TNRC6C: variants seen among roughly 807,000 people sequenced by gnomAD.
TNRC6C encodes the protein trinucleotide repeat-containing gene 6C protein.
In TNRC6C, 20 loss-of-function variants were observed where a neutral mutation model predicts 153.7. The observed-to-expected ratio is 0.13, with a 90% CI of 0.09 to 0.19. The LOEUF is 0.19. Ranked by LOEUF, TNRC6C falls within the 10% of genes least tolerant of loss-of-function variation. The pLI, the probability that TNRC6C is intolerant of heterozygous loss-of-function variation, is 1.00. For missense variants in TNRC6C, 1,987 were observed against 2,172.0 expected, an observed-to-expected ratio of 0.91 and a Z score of 1.69; for synonymous variants, 811 against 841.4, an observed-to-expected ratio of 0.96 and a Z score of 0.63.
intron 2 of TNRC6C, among the ~76,000 whole-genome samples, chr17:78,037,551 G>A (rs2072203998): frequency 6.6e-6 from 1 of 152,162 alleles, no homozygotes; most frequent in Non-Finnish European, 1.5e-5. Context: ...AGCTGTGCTG[G>A]GCAAAGAAGG....
upstream of TNRC6C, among the ~76,000 whole-genome samples, chr17:78,002,813 GTGCT>G (rs2071433490): frequency 6.6e-6 from 1 of 152,124 alleles, no homozygotes; most frequent in African/African-American, 2.4e-5. Context: ...TTTGTCCCTG[GTGCT>G]TACTACAATA....
upstream of TNRC6C, among the ~76,000 whole-genome samples, chr17:77,958,120 A>G (rs2070823180): frequency 6.6e-6 from 1 of 152,026 alleles, no homozygotes; most frequent in Non-Finnish European, 1.5e-5. Flanking sequence ...GGGGCGGTGC[A>G]GGGCGTGTGC....
upstream of TNRC6C, chr17:78,003,994 A>G: frequency 2.1e-6 from 1 of 476,378 alleles, no homozygotes. Flanking sequence ...CTACTGAAGA[A>G]GTCAGGGCAA....
chr17:78,071,236 C>G, intron 6 of TNRC6C, 71 bp downstream of exon 8: 1 of 1,452,670 alleles, frequency 6.9e-7, no homozygotes, highest in South Asian at 1.2e-5. Context: ...GTTTCCTCTC[C>G]ATGTTTGTTA....
intron 5 of TNRC6C, 112 bp downstream of exon 7, chr17:78,068,035 C>A: frequency 7.6e-7 from 1 of 1,317,784 alleles, no homozygotes; most frequent in East Asian, 2.5e-5. Flanking sequence ...TCAAAGTAGT[C>A]TTAGGACCCT....
chr17:77,976,240 G>A (rs938163975), intron 1 of TNRC6C, among the ~76,000 whole-genome samples: 1 of 151,894 alleles, frequency 6.6e-6, no homozygotes, highest in African/African-American at 2.4e-5. Context: ...TAATTTCAAA[G>A]AAGTGAGTCA....
chr17:78,050,783 C>G, exon 3 of TNRC6C: 2 of 1,607,024 alleles, frequency 1.2e-6, no homozygotes, highest in Non-Finnish European at 1.7e-6. Flanking sequence ...TGGGGTGAGC[C>G]TCCAAAGCCC....
chr17:77,974,058 A>AGG (rs749892622), intron 1 of TNRC6C, among the ~76,000 whole-genome samples: 1 of 80,160 alleles, frequency 1.2e-5, no homozygotes, highest in Non-Finnish European at 2.4e-5. Flanking sequence ...AGGGAGGGGG[A>AGG]GGGGGGAGAG....
At chr17:77,993,002 G>T (rs1028774993) in intron 1 of TNRC6C, among the ~76,000 whole-genome samples, 4 of 151,960 alleles carry the variant, frequency 2.6e-5, no homozygotes, top group African/African-American at 9.7e-5. Context: ...GTCTCACTCT[G>T]TTGCCCAGGC....
chr17:78,051,452 G>A lies in TNRC6C; in HGVS notation c.2390G>A (p.Arg797Lys). The A allele has an allele frequency of 2.9e-6, 4 of 1,361,494 alleles. No individual in the cohort carries two copies. Among genetic ancestry groups the A allele is most frequent in the South Asian group, 1.9e-5 (1 of 52,158 alleles). The allele number at this position is 1,361,494 out of a possible 1,614,324, so 84.3% of individuals were successfully genotyped here. A position where few individuals can be genotyped will look rare whatever the true frequency, so the allele number is the denominator to read the frequency against. ...CGATCACCGTTGCTTGGTCCAGGTA[G>A]GAAAGGTATTTCATGTTTCTTTACA... Residue 797 changes from arginine to lysine, a missense_variant, in exon 3 of 20, where the codon AGG becomes AAG. Physicochemically the swap from Arg to Lys is conservative, Grantham distance 26 (BLOSUM62 2). This residue lies in a region of TNRC6C where 1,052 missense variants were observed against 1,017.0 expected (regional missense o/e 1.03). Coordinates refer to ENST00000301624, the Ensembl canonical transcript of TNRC6C.
At chr17:77,988,877 C>T (rs2071210113) in intron 1 of TNRC6C, among the ~76,000 whole-genome samples, 1 of 152,238 alleles carries the variant, frequency 6.6e-6, no homozygotes, top group Non-Finnish European at 1.5e-5. Context: ...GGATCATCTT[C>T]ATTTCAAGTA....
At chr17:78,093,883 C>T in intron 16 of TNRC6C, 120 bp downstream of exon 18, 1 of 1,204,274 alleles carries the variant, frequency 8.3e-7, no homozygotes. Context: ...TGGCGGGCAC[C>T]TTTTCTAGTC....
Position 77,974,808 on chromosome 17 carries a change from T to G in TNRC6C, c.-38+15540T>G, listed in dbSNP as rs577707181. Among the ~76,000 whole-genome samples the G allele has an allele frequency of 6.0e-4, 92 of 152,346 alleles. No individual in the cohort carries two copies. In the South Asian group the frequency reaches 0.018, roughly 30 times the overall value. On this transcript the variant is annotated intron_variant, in intron 1 of 22. Coordinates refer to the TNRC6C transcript ENST00000636222. ...ATTGAGTCTGTTCAAAATTCACAGT[T>G]CTGTAGAGTTCACCGAGGAGAAAAC...
chr17:78,091,219 G>C, intron 13 of TNRC6C: 1 of 386,038 alleles, frequency 2.6e-6, no homozygotes, highest in Non-Finnish European at 4.5e-6. Context: ...CCAGCTACTT[G>C]GGAGGCTGAG....
intron 13 of TNRC6C, among the ~76,000 whole-genome samples, chr17:78,089,324 G>A (rs2073355214): frequency 6.6e-6 from 1 of 152,238 alleles, no homozygotes; most frequent in East Asian, 1.9e-4. Flanking sequence ...AATTCATGCA[G>A]TGAATCTTTG....
rs750907442 is a variant in TNRC6C, at chr17:78,104,489, G to A, written c.4717G>A (p.Val1573Ile). 2.0e-6 allele frequency: 3 copies of A among 1,500,082 alleles called. No individual in the cohort carries two copies. Among genetic ancestry groups the A allele is most frequent in the Non-Finnish European group, 2.7e-6 (3 of 1,120,560 alleles). 92.9% of individuals were successfully genotyped at this position (1,500,082 alleles called of 1,614,324 possible). The change falls in exon 20 of 20, where the codon GTC becomes ATC. Residue 1573 changes from valine (V) to isoleucine (I), a missense_variant. Physicochemically the swap from Val to Ile is conservative, Grantham distance 29. Transcript: ENST00000301624. The surrounding 1 kb of genome is among the most constrained non-coding windows in gnomAD (Gnocchi z 6.2). ...TGCCCCATCTTGCTGTTGCAGGTGC[G>A]TCCTGGGAAACACTACCATCCTGGC...
At chr17:78,004,993 G>A (rs924069386), upstream of TNRC6C, 3 of 1,126,156 alleles carry the variant, frequency 2.7e-6, no homozygotes, top group Non-Finnish European at 3.4e-6. Context: ...TCATAGATGT[G>A]TACATTCTAC....
At chr17:78,090,143 T>C (rs1215772331) in intron 13 of TNRC6C, among the ~76,000 whole-genome samples, 1 of 152,240 alleles carries the variant, frequency 6.6e-6, no homozygotes, top group Non-Finnish European at 1.5e-5. Flanking sequence ...TGTGTGTGCA[T>C]GTGCATAGGT....
chr17:78,097,415 G>C (rs972988243), intron 16 of TNRC6C, among the ~76,000 whole-genome samples: 2 of 152,054 alleles, frequency 1.3e-5, no homozygotes, highest in African/African-American at 4.8e-5. Context: ...ACCTTATTTG[G>C]GAGAGGAAAT....
Sources: gnomAD v4.1 joint callset for allele counts (sites outside exome capture counted in the v4.1 genomes callset) on GRCh38, gnomAD v4.1.1 for gene constraint, gnomAD v4.1.1 regional missense constraint, Gnocchi (gnomAD v3.1) non-coding constraint, MANE v1.5 for transcripts, NCBI Gene and HGNC (gene_info 2026-07-23, HGNC 2026-07-21) for gene names.